Variants in LINC00305 observed in about 807,000 individuals in gnomAD.
The protein encoded by LINC00305 is long intergenic non-protein coding RNA 305.
intron 1 of LINC00305, among the ~76,000 whole-genome samples, chr18:64,143,576 GTATAT>G (rs2051477165): frequency 1.1e-4 from 2 of 17,398 alleles, no homozygotes; most frequent in African/African-American, 2.6e-4. Flanking sequence ...ATACACATAT[GTATAT>G]GTACATATGT....
At chr18:64,089,456 G>A (rs1706351828) in intron 3 of LINC00305, among the ~76,000 whole-genome samples, 1 of 152,178 alleles carries the variant, frequency 6.6e-6, no homozygotes, top group Non-Finnish European at 1.5e-5. Context: ...GACTAATACA[G>A]AGACAGTGCA....
intron 1 of LINC00305, among the ~76,000 whole-genome samples, chr18:64,106,459 C>T (rs1259448833): frequency 6.6e-6 from 1 of 152,088 alleles, no homozygotes; most frequent in African/African-American, 2.4e-5. Context: ...CTTCTGGTTC[C>T]AATAACAAAT....
intron 3 of LINC00305, among the ~76,000 whole-genome samples, chr18:64,082,110 G>C (rs2051187284): frequency 6.6e-6 from 1 of 152,130 alleles, no homozygotes; most frequent in Non-Finnish European, 1.5e-5. Context: ...AGAAATTATG[G>C]TTTAGGAGTC....
intron 1 of LINC00305, among the ~76,000 whole-genome samples, chr18:64,121,029 A>G (rs950653496): frequency 2.0e-5 from 3 of 152,134 alleles, no homozygotes; most frequent in Non-Finnish European, 2.9e-5. Context: ...GTATATTATA[A>G]AGAAAGCAAT....
intron 1 of LINC00305, among the ~76,000 whole-genome samples, chr18:64,102,839 A>G (rs1400571): frequency 0.15 from 22,736 of 152,184 alleles, 1,719 homozygotes; most frequent in Non-Finnish European, 0.16. Context: ...GTATCAAGGA[A>G]GGACGTTGCT....
At chr18:64,145,608 G>T (rs2051493766) in intron 1 of LINC00305, among the ~76,000 whole-genome samples, 1 of 152,180 alleles carries the variant, frequency 6.6e-6, no homozygotes, top group African/African-American at 2.4e-5. Flanking sequence ...TGGAGACAGG[G>T]TTTCAACATG....
At position 64,143,747 on chromosome 18, in the gene LINC00305, G is replaced by A. The variant is rs539915510; in HGVS notation, n.314+5028C>T. Among the ~76,000 whole-genome samples the A allele has an allele frequency of 1.9e-3, 126 of 66,618 alleles. 4 individuals are homozygous for A. The highest frequency in any genetic ancestry group is 6.5e-3 in the African/African-American group (116 of 17,846). The allele number at this position is 66,618 out of a possible 152,430, so 43.7% of individuals were successfully genotyped here. ...GTACATGTATGTCCACATATTATGC[G>A]TACATGTATGTACACATATTATGCG... On this transcript the variant is annotated intron_variant and non_coding_transcript_variant, in intron 1 of 3. Transcript: ENST00000666468.
intron 1 of LINC00305, among the ~76,000 whole-genome samples, chr18:64,107,414 G>C (rs1360344904): frequency 6.6e-6 from 1 of 152,232 alleles, no homozygotes; most frequent in East Asian, 1.9e-4. Context: ...AATCAGCATA[G>C]TGTCGAGGAA....
intron 1 of LINC00305, among the ~76,000 whole-genome samples, chr18:64,112,482 T>C (rs2051319235): frequency 6.6e-6 from 1 of 152,210 alleles, no homozygotes; most frequent in Non-Finnish European, 1.5e-5. Flanking sequence ...GATTAGCATA[T>C]GCATTTTCCT....
Position 64,112,741 on chromosome 18 carries a change from ATC to A in LINC00305, n.315-14103_315-14102del, listed in dbSNP as rs376441541. On this transcript the variant is annotated intron_variant and non_coding_transcript_variant, in intron 1 of 3. Coordinates refer to ENST00000666468, the Ensembl canonical transcript of LINC00305. ...CCTGGGTGTCTTTCTCTAATCATTG[ATC>A]TCTCTTTCCAGAAAGAATCTTTTCT... 6.9e-4 allele frequency among the ~76,000 whole-genome samples: 105 copies of A among 152,234 alleles called. 1 individual carries two copies. In the South Asian group the frequency reaches 0.019, roughly 28 times the overall value.
intron 1 of LINC00305, among the ~76,000 whole-genome samples, chr18:64,130,936 G>C (rs939626024): frequency 6.6e-6 from 1 of 152,112 alleles, no homozygotes; most frequent in Non-Finnish European, 1.5e-5. Flanking sequence ...CTATGAAATG[G>C]GGCTTTAGTC....
chr18:64,083,708 G>C (rs185037426), intron 3 of LINC00305, among the ~76,000 whole-genome samples: 107 of 152,246 alleles, frequency 7.0e-4, no homozygotes, highest in African/African-American at 2.4e-3. Context: ...TAGAGCATGA[G>C]TGGATCCTAA....
intron 1 of LINC00305, among the ~76,000 whole-genome samples, chr18:64,136,695 G>C (rs1340317024): frequency 6.6e-6 from 1 of 152,220 alleles, no homozygotes; most frequent in Non-Finnish European, 1.5e-5. Context: ...ACACAGAGTA[G>C]ATGGTGGGGC....
At chr18:64,109,217 A>G (rs1426276005) in intron 1 of LINC00305, among the ~76,000 whole-genome samples, 2 of 152,234 alleles carry the variant, frequency 1.3e-5, no homozygotes, top group East Asian at 1.9e-4. Flanking sequence ...ACACCAATAC[A>G]AAGTTGTTTA....
chr18:64,140,469 G>A (rs1330709397), intron 1 of LINC00305, among the ~76,000 whole-genome samples: 3 of 152,048 alleles, frequency 2.0e-5, no homozygotes, highest in South Asian at 4.1e-4. Flanking sequence ...TTGGCCTCCC[G>A]AAGTGCTGGG....
intron 1 of LINC00305, among the ~76,000 whole-genome samples, chr18:64,107,983 G>T (rs2051298443): frequency 6.6e-6 from 1 of 152,178 alleles, no homozygotes; most frequent in Non-Finnish European, 1.5e-5. Context: ...AAGCAGGGGA[G>T]CTGAGACAAG....
chr18:64,144,511 G>T (rs1447708429), intron 1 of LINC00305, among the ~76,000 whole-genome samples: 1 of 143,796 alleles, frequency 7.0e-6, no homozygotes, highest in Non-Finnish European at 1.6e-5. Context: ...CATTATTAAT[G>T]ATTAATTTTT....
chr18:64,141,527 T>A (rs1024872277), intron 1 of LINC00305, among the ~76,000 whole-genome samples: 2 of 152,162 alleles, frequency 1.3e-5, no homozygotes, highest in Non-Finnish European at 2.9e-5. Flanking sequence ...AATGTTTAAG[T>A]CTCAATTCCA....
intron 1 of LINC00305, among the ~76,000 whole-genome samples, chr18:64,112,078 T>C (rs967708610): frequency 6.6e-6 from 1 of 152,190 alleles, no homozygotes; most frequent in Non-Finnish European, 1.5e-5. Flanking sequence ...ATTTCTCGGA[T>C]CAGCATGCGT....
Sources: gnomAD v4.1 joint callset for allele counts (sites outside exome capture counted in the v4.1 genomes callset) on GRCh38, gnomAD v4.1.1 for gene constraint, MANE v1.5 for transcripts, NCBI Gene and HGNC (gene_info 2026-07-23, HGNC 2026-07-21) for gene names.